The following SLC14A2 variants were observed in gnomAD, a reference collection of about 807,000 sequenced individuals.
SLC14A2 encodes the protein solute carrier family 14 member 2.
A neutral mutation model predicts 104.6 loss-of-function variants in SLC14A2; 91 were observed. The ratio of observed to expected loss-of-function variants is 0.87; its 90% CI spans 0.73 to 1.04. The LOEUF (loss-of-function observed/expected upper bound fraction) is 1.04, where lower values mean the gene tolerates loss of function less well. SLC14A2 is among the 50% of genes least tolerant of loss of function. SLC14A2 has a pLI of 0.00. For synonymous variants in SLC14A2, 476 were observed against 466.4 expected, an observed-to-expected ratio of 1.02 and a Z score of -0.27; for missense variants, 1,189 against 1,156.0, an observed-to-expected ratio of 1.03 and a Z score of -0.41.
chr18:45,506,700 G>C lies in SLC14A2; in HGVS notation c.-35+23378G>C, dbSNP rs149654646. ...TTTTTCTCTAGTGCCTCCACAGGGA[G>C]CATGGCCCTGCCAACACCTTAGTTG... On this transcript the variant is annotated intron_variant, in intron 2 of 20. Coordinates refer to the SLC14A2 transcript ENST00000586448. Among the ~76,000 whole-genome samples, 85 of 152,312 alleles carry C rather than the reference G, an allele frequency of 5.6e-4. 1 individual carries two copies. The South Asian group carries it at 0.017, about 30-fold the overall frequency.
intron 1 of SLC14A2, among the ~76,000 whole-genome samples, chr18:45,347,272 C>A (rs62090679): frequency 0.053 from 8,098 of 152,160 alleles, 261 homozygotes; most frequent in South Asian, 0.068. Flanking sequence ...GAAAGGATGG[C>A]TTGAGCCAGG....
Position 45,317,887 on chromosome 18 carries a change from T to C in SLC14A2, c.-125+104696T>C, listed in dbSNP as rs1014319258. Among the ~76,000 whole-genome samples the C allele has an allele frequency of 2.0e-5, 3 of 152,150 alleles. No homozygotes were observed. The South Asian group carries it at 6.2e-4, about 32-fold the overall frequency. On this transcript the variant is annotated intron_variant, in intron 1 of 20. Coordinates refer to the SLC14A2 transcript ENST00000586448. The stretch of plus-strand genomic sequence containing the variant: ...GTCCATTTCCTCCTTTGGATCGCAG[T>C]GGGGGCTTCTGAGCCACATGGATGA...
chr18:45,438,686 C>T lies in SLC14A2; in HGVS notation c.-124-44547C>T, dbSNP rs962252129. 3.3e-5 allele frequency among the ~76,000 whole-genome samples: 5 copies of T among 152,252 alleles called. No individual in the cohort carries two copies. In the East Asian group the frequency reaches 9.6e-4, roughly 29 times the overall value. ...GAATTGTGTCCCTCAGAAAGGAAAC[C>T]AGGAATAAAAATATCCTAATGATCT... On this transcript the variant is annotated intron_variant, in intron 1 of 20. Transcript: ENST00000586448.
chr18:45,358,331 C>T (rs1215099610), intron 1 of SLC14A2, among the ~76,000 whole-genome samples: 1 of 152,178 alleles, frequency 6.6e-6, no homozygotes, highest in Non-Finnish European at 1.5e-5. Flanking sequence ...ACAGATGATG[C>T]CTCGCCCACT....
At chr18:45,458,003 C>G (rs902894689) in intron 1 of SLC14A2, among the ~76,000 whole-genome samples, 1 of 151,998 alleles carries the variant, frequency 6.6e-6, no homozygotes, top group Admixed American at 6.5e-5. Flanking sequence ...TGTGAGCCTT[C>G]GTAGGAGAAT....
rs572404477 is a variant in SLC14A2, at chr18:45,245,818, G to A, written c.-125+32627G>A. On this transcript the variant is annotated intron_variant, in intron 1 of 20. Coordinates refer to the SLC14A2 transcript ENST00000586448. The stretch of plus-strand genomic sequence containing the variant: ...ATTATTCATTCATTTTTGTATTCAT[G>A]TATTGAGTTCTGTTGAACACCTCTT... 2.6e-5 allele frequency among the ~76,000 whole-genome samples: 4 copies of A among 152,326 alleles called. No individual in the cohort carries two copies. The South Asian group carries it at 8.3e-4, about 32-fold the overall frequency.
intron 1 of SLC14A2, among the ~76,000 whole-genome samples, chr18:45,364,911 G>A (rs16978352): frequency 0.13 from 19,509 of 152,216 alleles, 3,168 homozygotes; most frequent in African/African-American, 0.38. Context: ...TCTTGTGACA[G>A]TGATCTGAAG....
At chr18:45,498,607 T>A (rs2043140048) in intron 2 of SLC14A2, among the ~76,000 whole-genome samples, 1 of 152,198 alleles carries the variant, frequency 6.6e-6, no homozygotes, top group African/African-American at 2.4e-5. Flanking sequence ...TCCTGGAGAC[T>A]GTCAGATCTG....
At chr18:45,200,639 A>T in the SLC14A2 span, among the ~76,000 whole-genome samples, 1 of 152,166 alleles carries the variant, frequency 6.6e-6, no homozygotes, top group African/African-American at 2.4e-5. Flanking sequence ...CTTTGGGTAA[A>T]CTCACAGAGA....
chr18:45,607,592 T>C (rs1240129603), intron 2 of SLC14A2, among the ~76,000 whole-genome samples: 1 of 152,230 alleles, frequency 6.6e-6, no homozygotes, highest in Non-Finnish European at 1.5e-5. Context: ...GGCTAATGTA[T>C]TCATTATCTA....
intron 1 of SLC14A2, among the ~76,000 whole-genome samples, chr18:45,249,459 T>A (rs1043428926): frequency 6.6e-6 from 1 of 152,114 alleles, no homozygotes; most frequent in Non-Finnish European, 1.5e-5. Context: ...AAACAACTAT[T>A]ATAAAACATT....
the SLC14A2 span, among the ~76,000 whole-genome samples, chr18:45,193,594 C>A: frequency 2.0e-5 from 3 of 152,178 alleles, no homozygotes; most frequent in East Asian, 1.9e-4. Flanking sequence ...CTGTGACTAG[C>A]ACACTGTTTT....
chr18:45,596,370 G>A (rs2044718723), intron 2 of SLC14A2, among the ~76,000 whole-genome samples: 1 of 152,204 alleles, frequency 6.6e-6, no homozygotes, highest in Non-Finnish European at 1.5e-5. Flanking sequence ...TCAAAACACT[G>A]TGGGTATATT....
intron 1 of SLC14A2, among the ~76,000 whole-genome samples, chr18:45,427,809 G>GGGCAA (rs1450042978): frequency 6.6e-6 from 1 of 152,148 alleles, no homozygotes; most frequent in Non-Finnish European, 1.5e-5. Flanking sequence ...CAAGAGGACA[G>GGGCAA]GGCAAGCAGG....
chr18:45,632,569 G>A lies in SLC14A2; in HGVS notation c.650+91G>A, dbSNP rs1046005141. The stretch of plus-strand genomic sequence containing the variant: ...GGCCAGAGACAGGACATACACATGT[G>A]GGACCCAGCCCCTTCATAGCCAAGT... On this transcript the variant is annotated intron_variant, in intron 5 of 19. Transcript: ENST00000255226. The A allele has an allele frequency of 4.2e-6, 6 of 1,437,016 alleles. No homozygotes were observed. In the Admixed American group the frequency reaches 8.5e-5, roughly 20 times the overall value. 89.0% of individuals were successfully genotyped at this position (1,437,016 alleles called of 1,614,324 possible). A position where few individuals can be genotyped will look rare whatever the true frequency, so the allele number is the denominator to read the frequency against.
intron 2 of SLC14A2, among the ~76,000 whole-genome samples, chr18:45,551,486 T>A (rs915579291): frequency 6.6e-6 from 1 of 152,102 alleles, no homozygotes; most frequent in Non-Finnish European, 1.5e-5. Flanking sequence ...CTCAACCCAT[T>A]TGGGGAGGCT....
At chr18:45,310,544 A>T (rs2085068271) in intron 1 of SLC14A2, among the ~76,000 whole-genome samples, 1 of 152,240 alleles carries the variant, frequency 6.6e-6, no homozygotes, top group Admixed American at 6.5e-5. Context: ...GATATCAGCC[A>T]TTACCAATAT....
At chr18:45,648,458 G>A (rs1374445776) in intron 10 of SLC14A2, among the ~76,000 whole-genome samples, 1 of 152,026 alleles carries the variant, frequency 6.6e-6, no homozygotes, top group Admixed American at 6.5e-5. Flanking sequence ...GCCCACCTCG[G>A]CCTCCCAAGG....
At chr18:45,207,065 T>C in the SLC14A2 span, among the ~76,000 whole-genome samples, 1 of 152,154 alleles carries the variant, frequency 6.6e-6, no homozygotes, top group Admixed American at 6.5e-5. Flanking sequence ...CTCTGGTACC[T>C]AATAGTAAAC....
Sources: gnomAD v4.1 joint callset for allele counts (sites outside exome capture counted in the v4.1 genomes callset) on GRCh38, gnomAD v4.1.1 for gene constraint, MANE v1.5 for transcripts, NCBI Gene and HGNC (gene_info 2026-07-23, HGNC 2026-07-21) for gene names.